The following ANO3 variants were observed in gnomAD, a reference collection of about 807,000 sequenced individuals.
The protein encoded by ANO3 is anoctamin 3.
A neutral mutation model predicts 144.8 loss-of-function variants in ANO3; 99 were observed. The ratio of observed to expected loss-of-function variants is 0.68; its 90% CI spans 0.58 to 0.81. The LOEUF (loss-of-function observed/expected upper bound fraction) is 0.81. ANO3 is among the 30% of genes least tolerant of loss of function. The probability of loss-of-function intolerance (pLI) is 0.00; values close to 1 mark genes in which losing one functional copy is unlikely to be tolerated. For missense variants in ANO3, 905 were observed against 1,202.2 expected (o/e 0.75, Z 3.66); for synonymous variants, 414 against 392.6 (o/e 1.05, Z -0.64).
rs1028161231 is a variant in ANO3 at position 26,441,878 on chromosome 11, T to C, written c.47-40T>C. The C allele has an allele frequency of 4.6e-6, 7 of 1,521,600 alleles. No homozygotes were observed. In the African/African-American group the frequency reaches 9.7e-5, roughly 21 times the overall value. 94.3% of individuals were successfully genotyped at this position (1,521,600 alleles called of 1,614,324 possible). On this transcript the variant is annotated intron_variant, in intron 1 of 26. Coordinates refer to ENST00000256737, the MANE Select transcript of ANO3 (RefSeq NM_031418.4). ...AAACTTTTTATTGACCTCTACTGATTGATTTTTTATTGCTAAAACTCAACA... is the reference window on the plus strand; with the variant it reads ...AAACTTTTTATTGACCTCTACTGATCGATTTTTTATTGCTAAAACTCAACA...
chr11:26,355,540 C>G (rs1023677623), intron 1 of ANO3, among the ~76,000 whole-genome samples: 1 of 151,294 alleles, frequency 6.6e-6, no homozygotes, highest in African/African-American at 2.4e-5. Flanking sequence ...AATTTGGTAT[C>G]CTGAAATTTC....
At chr11:26,613,104 C>T (rs1268220952) in intron 17 of ANO3, among the ~76,000 whole-genome samples, 3 of 152,078 alleles carry the variant, frequency 2.0e-5, no homozygotes, top group South Asian at 4.1e-4. Flanking sequence ...CTTTCTCCAC[C>T]TCTTCTCTCT....
At chr11:26,536,017 A>G (rs1044654515) in intron 9 of ANO3, among the ~76,000 whole-genome samples, 10 of 151,856 alleles carry the variant, frequency 6.6e-5, no homozygotes, top group Non-Finnish European at 1.2e-4. Context: ...TTAGTAAGTA[A>G]TTTTTAAGGA....
intron 7 of ANO3, 150 bp from the exon 8 acceptor site, chr11:26,531,055 C>T (rs1565084388): frequency 1.3e-6 from 1 of 746,914 alleles, no homozygotes; most frequent in Non-Finnish European, 2.0e-6. Context: ...TGTGTGGGAA[C>T]AGAAGCAATG....
At chr11:26,242,457 A>G (rs1161250014) in intron 1 of ANO3, among the ~76,000 whole-genome samples, 1 of 152,148 alleles carries the variant, frequency 6.6e-6, no homozygotes, top group Non-Finnish European at 1.5e-5. Flanking sequence ...CAAGGAAAGA[A>G]TTTTCCATAT....
At chr11:26,509,812 GA>G (rs148735506) in intron 5 of ANO3, among the ~76,000 whole-genome samples, 13,452 of 152,004 alleles carry the variant, frequency 0.088, 840 homozygotes, top group Admixed American at 0.14. Flanking sequence ...CACACATTAG[GA>G]AGTACTAAAC....
chr11:26,599,546 G>A lies in ANO3; in HGVS notation c.1672-4G>A. ...GATGTTTTTTCTGGTGTCCAATATT[G>A]TAGATATCCTTGGTGATCACTGCAG... On this transcript the variant is annotated splice_polypyrimidine_tract_variant and splice_region_variant and intron_variant, in intron 16 of 26. Transcript: ENST00000256737. 6.2e-7 allele frequency: 1 copy of A among 1,610,972 alleles called. No homozygotes were observed. The highest frequency in any genetic ancestry group is 8.5e-7 in the Non-Finnish European group (1 of 1,178,066).
At chr11:26,536,693 A>G (rs1479895216) in intron 9 of ANO3, among the ~76,000 whole-genome samples, 1 of 152,148 alleles carries the variant, frequency 6.6e-6, no homozygotes, top group Non-Finnish European at 1.5e-5. Context: ...ATAGCTGTAC[A>G]ATATTCCATA....
intron 1 of ANO3, among the ~76,000 whole-genome samples, chr11:26,281,728 A>G (rs1853683789): frequency 1.3e-5 from 2 of 152,220 alleles, no homozygotes; most frequent in Admixed American, 6.5e-5. Context: ...ATAAAATTCT[A>G]AAGCCTAAGA....
At chr11:26,349,075 GCTT>G (rs1305374794) in intron 1 of ANO3, among the ~76,000 whole-genome samples, 3 of 152,140 alleles carry the variant, frequency 2.0e-5, no homozygotes, top group African/African-American at 7.2e-5. Flanking sequence ...AATGTCATGG[GCTT>G]CTTATTACTA....
intron 14 of ANO3, among the ~76,000 whole-genome samples, chr11:26,585,127 A>C (rs1189285917): frequency 6.6e-6 from 1 of 152,208 alleles, no homozygotes; most frequent in Non-Finnish European, 1.5e-5. Context: ...TCACAGGACC[A>C]AAGAAAGGAG....
chr11:26,656,679 T>C (rs1456770271), intron 26 of ANO3, among the ~76,000 whole-genome samples, 198 bp downstream of exon 26: 1 of 152,134 alleles, frequency 6.6e-6, no homozygotes, highest in African/African-American at 2.4e-5. Context: ...TACATTAATT[T>C]AAATACCAGG....
At chr11:26,561,358 G>T (rs1850285410) in intron 14 of ANO3, 5 of 681,514 alleles carry the variant, frequency 7.3e-6, no homozygotes, top group Non-Finnish European at 1.1e-5. Context: ...TTAGATTTTA[G>T]TTTTAAAATT....
At chr11:26,389,941 C>T (rs1856832865) in intron 1 of ANO3, among the ~76,000 whole-genome samples, 2 of 151,976 alleles carry the variant, frequency 1.3e-5, no homozygotes, top group African/African-American at 4.8e-5. Flanking sequence ...ATATACTGAG[C>T]TGCCTTAGGA....
intron 14 of ANO3, among the ~76,000 whole-genome samples, chr11:26,575,261 T>C (rs1850956289): frequency 6.6e-6 from 1 of 151,956 alleles, no homozygotes; most frequent in South Asian, 2.1e-4. Context: ...AAATTGATTA[T>C]ATTGTTTTAT....
intron 1 of ANO3, among the ~76,000 whole-genome samples, chr11:26,360,963 G>A (rs1174950294): frequency 6.6e-6 from 1 of 152,158 alleles, no homozygotes; most frequent in East Asian, 1.9e-4. Flanking sequence ...GGTTCTAGTT[G>A]CATATTCAGA....
intron 1 of ANO3, among the ~76,000 whole-genome samples, chr11:26,295,733 C>T (rs895352898): frequency 6.6e-6 from 1 of 152,076 alleles, no homozygotes; most frequent in Non-Finnish European, 1.5e-5. Context: ...ATTTTAAAGA[C>T]GTTTTTAAAT....
At chr11:26,629,036 A>C (rs1322556919) in intron 18 of ANO3, among the ~76,000 whole-genome samples, 1 of 152,138 alleles carries the variant, frequency 6.6e-6, no homozygotes, top group Non-Finnish European at 1.5e-5. Context: ...AAGGCAAGTC[A>C]GAGTCAAGGT....
chr11:26,308,272 A>G (rs768876978), upstream of ANO3, among the ~76,000 whole-genome samples: 114 of 152,282 alleles, frequency 7.5e-4, no homozygotes, highest in Non-Finnish European at 1.2e-3. Context: ...TCCCTTACAC[A>G]TACTGGGTCT....
Sources: gnomAD v4.1 joint callset for allele counts (sites outside exome capture counted in the v4.1 genomes callset) on GRCh38, gnomAD v4.1.1 for gene constraint, MANE v1.5 for transcripts, NCBI Gene and HGNC (gene_info 2026-07-23, HGNC 2026-07-21) for gene names.